HDAC9: variants seen among roughly 807,000 people sequenced by gnomAD.
HDAC9 encodes the protein MEF-2 interacting transcription repressor (MITR) protein.
In HDAC9, 41 loss-of-function variants were observed where a neutral mutation model predicts 139.4. The observed-to-expected ratio is 0.29, with a 90% CI of 0.23 to 0.38. The LOEUF (loss-of-function observed/expected upper bound fraction) is 0.38. HDAC9 is among the 10% of genes least tolerant of loss of function. HDAC9 has a pLI of 1.00. For missense variants in HDAC9, 1,147 were observed against 1,297.0 expected, an observed-to-expected ratio of 0.88 and a Z score of 1.78; for synonymous variants, 517 against 476.2, an observed-to-expected ratio of 1.09 and a Z score of -1.12.
At chr7:18,264,036 C>T (rs560519246) in intron 2 of HDAC9, among the ~76,000 whole-genome samples, 2 of 152,106 alleles carry the variant, frequency 1.3e-5, no homozygotes, top group South Asian at 2.1e-4. Context: ...ATTTATGCAC[C>T]CAAAATGTAT....
intron 25 of HDAC9, among the ~76,000 whole-genome samples, chr7:18,987,371 A>T (rs1448017356): frequency 1.3e-5 from 2 of 152,190 alleles, no homozygotes; most frequent in East Asian, 3.8e-4. Flanking sequence ...GATTACATTT[A>T]TTGATTTGCA....
At chr7:18,480,682 G>A (rs1227885945) in intron 1 of HDAC9, among the ~76,000 whole-genome samples, 2 of 152,142 alleles carry the variant, frequency 1.3e-5, no homozygotes, top group East Asian at 1.9e-4. Context: ...TGCAACACGT[G>A]TTTCTATAAC....
intron 1 of HDAC9, among the ~76,000 whole-genome samples, chr7:18,131,163 G>A (rs547511238): frequency 5.9e-5 from 9 of 152,140 alleles, no homozygotes; most frequent in Admixed American, 1.3e-4. Context: ...GGAGAACTTC[G>A]TCAGCATACA....
intron 2 of HDAC9, among the ~76,000 whole-genome samples, chr7:18,580,990 A>G (rs1413896599): frequency 6.6e-6 from 1 of 152,170 alleles, no homozygotes; most frequent in Non-Finnish European, 1.5e-5. Flanking sequence ...TTTGTCACCC[A>G]CAATGCAATT....
chr7:18,134,477 A>G (rs1414515301), intron 1 of HDAC9, among the ~76,000 whole-genome samples: 1 of 152,180 alleles, frequency 6.6e-6, no homozygotes, highest in African/African-American at 2.4e-5. Context: ...TTGAATATAC[A>G]TAGTTTAGAA....
intron 15 of HDAC9, among the ~76,000 whole-genome samples, chr7:18,763,457 G>C (rs555872532): frequency 6.6e-6 from 1 of 152,196 alleles, no homozygotes; most frequent in East Asian, 1.9e-4. Flanking sequence ...AAAGTACATT[G>C]CTAATATTTG....
In HDAC9 at chr7:18,809,940, T is replaced by C. The variant is rs146793873; in HGVS notation, c.2322+16488T>C. Among the ~76,000 whole-genome samples the C allele has an allele frequency of 2.4e-3, 370 of 152,152 alleles. 2 individuals are homozygous for C. The highest frequency in any genetic ancestry group is 8.2e-3 in the African/African-American group (341 of 41,562). On this transcript the variant is annotated intron_variant, in intron 17 of 25. Coordinates refer to ENST00000686413, the MANE Select transcript of HDAC9 (RefSeq NM_178425.4). ...CCTCTCATGCTCTTTGAAGCATTAC[T>C]CACAATAGGCAAGATACGGAAAAAA...
At chr7:18,820,285 A>G (rs1794865968) in intron 17 of HDAC9, among the ~76,000 whole-genome samples, 1 of 152,146 alleles carries the variant, frequency 6.6e-6, no homozygotes, top group Non-Finnish European at 1.5e-5. Context: ...CATTGAAGAG[A>G]GACATGTTCT....
At chr7:18,793,262 C>G (rs1400556885) in intron 16 of HDAC9, 83 bp from the exon 17 acceptor site, 3 of 930,662 alleles carry the variant, frequency 3.2e-6, no homozygotes, top group Non-Finnish European at 5.1e-6. Flanking sequence ...CCCCTGCGAC[C>G]TCTTCCCCTT....
intron 9 of HDAC9, 109 bp downstream of exon 9, chr7:18,644,902 C>T (rs1786887596): frequency 9.4e-7 from 1 of 1,060,814 alleles, no homozygotes. Context: ...TTGACAGAGC[C>T]AGCATCTCCT....
chr7:18,704,146 A>G (rs949006563), intron 12 of HDAC9, among the ~76,000 whole-genome samples: 1 of 152,238 alleles, frequency 6.6e-6, no homozygotes, highest in African/African-American at 2.4e-5. Flanking sequence ...ATCAGGACCC[A>G]GTGGCACCCA....
At chr7:18,747,630 T>C (rs2129146225) in intron 13 of HDAC9, among the ~76,000 whole-genome samples, 1 of 152,228 alleles carries the variant, frequency 6.6e-6, no homozygotes, top group Admixed American at 6.5e-5. Flanking sequence ...TGGGGAAGTG[T>C]GTAAGTAAGC....
intron 6 of HDAC9, 48 bp downstream of exon 6, chr7:18,594,077 G>C: frequency 6.2e-7 from 1 of 1,602,634 alleles, no homozygotes; most frequent in East Asian, 2.2e-5. Flanking sequence ...TAACACACCT[G>C]TAAGTTTCAT....
chr7:18,432,906 G>A (rs964171903), intron 1 of HDAC9, among the ~76,000 whole-genome samples: 4 of 151,054 alleles, frequency 2.6e-5, no homozygotes, highest in Non-Finnish European at 5.9e-5. Flanking sequence ...AGCCGAGATC[G>A]CGCCACTGCA....
chr7:18,428,829 C>A (rs1318507518), intron 1 of HDAC9, among the ~76,000 whole-genome samples: 1 of 152,160 alleles, frequency 6.6e-6, no homozygotes, highest in East Asian at 1.9e-4. Context: ...CATCTCCTAC[C>A]ACTCTTTCCT....
intron 6 of HDAC9, among the ~76,000 whole-genome samples, chr7:18,606,808 A>G (rs891714177): frequency 6.6e-6 from 1 of 152,178 alleles, no homozygotes; most frequent in Non-Finnish European, 1.5e-5. Context: ...TGATTTTAAG[A>G]TACTCATTTT....
chr7:18,534,331 G>A (rs1810124062), intron 2 of HDAC9, among the ~76,000 whole-genome samples: 1 of 152,156 alleles, frequency 6.6e-6, no homozygotes, highest in Non-Finnish European at 1.5e-5. Flanking sequence ...GAGGCAGGAG[G>A]GCTGTTTGAG....
intron 17 of HDAC9, among the ~76,000 whole-genome samples, chr7:18,796,560 T>C (rs1792818670): frequency 6.6e-6 from 1 of 152,216 alleles, no homozygotes; most frequent in African/African-American, 2.4e-5. Context: ...TTTCCAAGTT[T>C]TTAAACAATA....
At chr7:18,979,994 AT>A (rs1784795551) in intron 25 of HDAC9, among the ~76,000 whole-genome samples, 1 of 152,190 alleles carries the variant, frequency 6.6e-6, no homozygotes, top group African/African-American at 2.4e-5. Flanking sequence ...AAATTTTTCA[AT>A]ATAAATTTTG....
Sources: allele counts gnomAD v4.1 joint callset (sites outside exome capture counted in the v4.1 genomes callset), GRCh38; gene constraint gnomAD v4.1.1; transcripts MANE v1.5; gene names NCBI Gene and HGNC (gene_info 2026-07-23, HGNC 2026-07-21).